Variants in CDK6 observed in about 807,000 individuals in gnomAD.
CDK6 encodes cyclin-dependent kinase 6.
In CDK6, 6 loss-of-function variants were observed where a neutral mutation model predicts 37.1. The ratio of observed to expected loss-of-function variants is 0.16; its 90% CI spans 0.09 to 0.32. The LOEUF (loss-of-function observed/expected upper bound fraction) is 0.32. Ranked by LOEUF, CDK6 falls within the 10% of genes least tolerant of loss-of-function variation. The probability of loss-of-function intolerance (pLI) is 1.00; values close to 1 mark genes in which losing one functional copy is unlikely to be tolerated. For synonymous variants in CDK6, 160 were observed against 161.3 expected (o/e 0.99, Z 0.06); for missense variants, 224 against 418.9 (o/e 0.53, Z 4.06).
chr7:92,765,810 G>T (rs1203289774), intron 3 of CDK6, among the ~76,000 whole-genome samples: 2 of 152,306 alleles, frequency 1.3e-5, no homozygotes, highest in East Asian at 3.9e-4. Context: ...CTATGAAGAA[G>T]AAGATAAAAT....
At chr7:92,633,233 T>C (rs1007089486) in intron 5 of CDK6, among the ~76,000 whole-genome samples, 2 of 152,196 alleles carry the variant, frequency 1.3e-5, no homozygotes, top group South Asian at 4.1e-4. Context: ...TGTCTGAATA[T>C]AATATGCCTA....
intron 4 of CDK6, among the ~76,000 whole-genome samples, chr7:92,678,752 A>C (rs1797264627): frequency 6.6e-6 from 1 of 152,186 alleles, no homozygotes; most frequent in Admixed American, 6.5e-5. Flanking sequence ...GTTGCCCCAG[A>C]TAGTCTCTGC....
At chr7:92,626,526 T>C (rs1253251047) in intron 5 of CDK6, among the ~76,000 whole-genome samples, 1 of 152,124 alleles carries the variant, frequency 6.6e-6, no homozygotes, top group East Asian at 1.9e-4. Flanking sequence ...TAAGCTGATT[T>C]GTCTGACTTC....
intron 3 of CDK6, among the ~76,000 whole-genome samples, chr7:92,753,348 T>C (rs1230818172): frequency 6.6e-6 from 1 of 152,168 alleles, no homozygotes; most frequent in Non-Finnish European, 1.5e-5. Context: ...TATGTGTACC[T>C]TACTGATTTT....
chr7:92,695,547 C>T (rs1797697777), intron 4 of CDK6, among the ~76,000 whole-genome samples: 2 of 152,194 alleles, frequency 1.3e-5, no homozygotes, highest in African/African-American at 2.4e-5. Context: ...TGTGAAGCCC[C>T]GCTAAATAAG....
rs183161282 is a variant in CDK6 at position 92,617,957 on chromosome 7, G to A, written c.834+115C>T. ...GTTGCCTCCTGCTCCATGTGGCTGT[G>A]GCATGTGATGCCTATAGCAGCTACT... On this transcript the variant is annotated intron_variant, in intron 7 of 7. Transcript: ENST00000424848. 377 of 954,120 alleles carry A rather than the reference G, an allele frequency of 4.0e-4. 2 individuals are homozygous for A. The African/African-American group carries it at 5.5e-3, about 14-fold the overall frequency. The allele number at this position is 954,120 out of a possible 1,614,324, so 59.1% of individuals were successfully genotyped here.
intron 2 of CDK6, among the ~76,000 whole-genome samples, chr7:92,805,794 T>C (rs1174498134): frequency 1.3e-5 from 2 of 152,188 alleles, no homozygotes; most frequent in Admixed American, 6.5e-5. Context: ...AATCCCTCTT[T>C]CTTGAGCTAG....
At chr7:92,622,183 A>C (rs952966219) in intron 6 of CDK6, among the ~76,000 whole-genome samples, 30 of 152,178 alleles carry the variant, frequency 2.0e-4, no homozygotes, top group African/African-American at 6.5e-4. Flanking sequence ...AAAGGATGCC[A>C]CACTGCATGC....
In CDK6 at chr7:92,614,238, C is replaced by A. The variant is rs1302311513; in HGVS notation, c.*902G>T. The A allele has an allele frequency of 1.3e-5, 3 of 232,792 alleles. No homozygotes were observed. In the East Asian group the frequency reaches 1.8e-4, roughly 14 times the overall value. The allele number at this position is 232,792 out of a possible 1,614,324, so 14.4% of individuals were successfully genotyped here. Reference sequence around the variant, plus strand: ...AAAAAGGGAAGAAAGGAATTTCAAACCAGGAAATAAAGGCTTTCTATTCTT... The same window carrying A: ...AAAAAGGGAAGAAAGGAATTTCAAAACAGGAAATAAAGGCTTTCTATTCTT... On this transcript the variant is annotated 3_prime_UTR_variant, in exon 8 of 8. Coordinates refer to ENST00000424848, the MANE Select transcript of CDK6 (RefSeq NM_001145306.2).
intron 5 of CDK6, among the ~76,000 whole-genome samples, chr7:92,629,954 A>G (rs978906825): frequency 1.3e-5 from 2 of 152,010 alleles, no homozygotes; most frequent in Non-Finnish European, 2.9e-5. Flanking sequence ...CTCTTCTTAT[A>G]ATGGCACTAA....
chr7:92,764,981 G>T (rs1159725236), intron 3 of CDK6, among the ~76,000 whole-genome samples: 1 of 151,822 alleles, frequency 6.6e-6, no homozygotes, highest in Non-Finnish European at 1.5e-5. Flanking sequence ...ATATATATGG[G>T]CATCTGAAAT....
At chr7:92,710,832 A>G in intron 4 of CDK6, 1 of 985,450 alleles carries the variant, frequency 1.0e-6, no homozygotes, top group Non-Finnish European at 1.2e-6. Flanking sequence ...CAGACGGATG[A>G]CTTGGACACC....
chr7:92,656,136 G>A (rs1441365503), intron 5 of CDK6, among the ~76,000 whole-genome samples: 2 of 152,184 alleles, frequency 1.3e-5, no homozygotes, highest in Non-Finnish European at 2.9e-5. Context: ...GAGGAGAACA[G>A]GAGCGTGGAG....
At chr7:92,774,652 T>A (rs1396851195) in intron 3 of CDK6, 44 bp downstream of exon 3, 1 of 1,529,106 alleles carries the variant, frequency 6.5e-7, no homozygotes, top group South Asian at 1.3e-5. Flanking sequence ...TAACAGACTA[T>A]AATAGTCGAC....
rs1018138871 is a variant in CDK6 at position 92,741,258 on chromosome 7, G to T, written c.370-15465C>A. Reference sequence around the variant, plus strand: ...TTGATTCTATTCTGACAAAACAAGAGATATATGTACAGGTTTATGTATGTG... The same window carrying T: ...TTGATTCTATTCTGACAAAACAAGATATATATGTACAGGTTTATGTATGTG... On this transcript the variant is annotated intron_variant, in intron 3 of 7. Transcript: ENST00000424848. 2.6e-5 allele frequency among the ~76,000 whole-genome samples: 4 copies of T among 152,188 alleles called. No homozygotes were observed. The South Asian group carries it at 8.3e-4, about 32-fold the overall frequency.
rs544559601 is a variant in CDK6 at position 92,780,591 on chromosome 7, T to C, written c.234-5760A>G. Among the ~76,000 whole-genome samples the C allele has an allele frequency of 2.2e-4, 33 of 151,792 alleles. 1 individual carries two copies. In the South Asian group the frequency reaches 6.9e-3, roughly 32 times the overall value. ...CTGGCTAACACGGTGAAACCCCATC[T>C]CTATTAAAAATACAAAAAAATTAGC... On this transcript the variant is annotated intron_variant, in intron 2 of 7. Coordinates refer to ENST00000424848, the MANE Select transcript of CDK6 (RefSeq NM_001145306.2).
At chr7:92,616,260 G>T (rs892338010) in intron 7 of CDK6, among the ~76,000 whole-genome samples, 1 of 152,116 alleles carries the variant, frequency 6.6e-6, no homozygotes, top group Non-Finnish European at 1.5e-5. Context: ...GCATAACCAT[G>T]ATATTAATAG....
chr7:92,724,828 T>C (rs1332420955), intron 4 of CDK6, among the ~76,000 whole-genome samples: 1 of 152,144 alleles, frequency 6.6e-6, no homozygotes, highest in African/African-American at 2.4e-5. Flanking sequence ...TTACTGTACG[T>C]AAGGCATGAA....
At chr7:92,715,014 TC>T (rs1466637930) in intron 4 of CDK6, among the ~76,000 whole-genome samples, 4 of 152,140 alleles carry the variant, frequency 2.6e-5, no homozygotes, top group African/African-American at 9.7e-5. Flanking sequence ...CCATGTGCAG[TC>T]CCTACCTCAC....
Sources: allele counts gnomAD v4.1 joint callset (sites outside exome capture counted in the v4.1 genomes callset), GRCh38; gene constraint gnomAD v4.1.1; transcripts MANE v1.5; gene names NCBI Gene and HGNC (gene_info 2026-07-23, HGNC 2026-07-21).